Variants in KIAA1328 observed in about 807,000 individuals in gnomAD.
KIAA1328 encodes protein hinderin.
In KIAA1328, 52 loss-of-function variants were observed where a neutral mutation model predicts 68.1. The ratio of observed to expected loss-of-function variants is 0.76; its 90% CI spans 0.61 to 0.96. KIAA1328 has a LOEUF of 0.96. KIAA1328 is among the 40% of genes least tolerant of loss of function. The pLI is 0.00. For missense variants in KIAA1328, 641 were observed against 677.6 expected (o/e 0.95, Z 0.60); for synonymous variants, 232 against 239.4 (o/e 0.97, Z 0.28).
At chr18:37,171,922 C>T (rs1457045604) in intron 8 of KIAA1328, among the ~76,000 whole-genome samples, 1 of 152,098 alleles carries the variant, frequency 6.6e-6, no homozygotes, top group East Asian at 1.9e-4. Flanking sequence ...AACAAACGAA[C>T]AAACAGAGTA....
At chr18:36,829,343 T>TG in intron 1 of KIAA1328, 147 bp downstream of exon 1, 1 of 1,390,664 alleles carries the variant, frequency 7.2e-7, no homozygotes, top group Non-Finnish European at 9.3e-7. Flanking sequence ...GTCTAGGTGC[T>TG]GGGCTCTCCC....
intron 6 of KIAA1328, among the ~76,000 whole-genome samples, chr18:37,047,542 C>T (rs140618385): frequency 0.013 from 1,996 of 152,274 alleles, 30 homozygotes; most frequent in Middle Eastern, 0.034. Flanking sequence ...TTTTCATCAT[C>T]CCTGTCTTCA....
intron 4 of KIAA1328, among the ~76,000 whole-genome samples, chr18:36,867,634 G>A (rs991213923): frequency 5.9e-5 from 9 of 152,140 alleles, no homozygotes; most frequent in African/African-American, 2.2e-4. Flanking sequence ...GTATCTTGGA[G>A]GGTTTAATTG....
At chr18:36,914,896 A>G (rs1261792616) in intron 5 of KIAA1328, among the ~76,000 whole-genome samples, 1 of 152,172 alleles carries the variant, frequency 6.6e-6, no homozygotes, top group Non-Finnish European at 1.5e-5. Context: ...GAAAGCTACA[A>G]AATACTTATG....
chr18:37,151,370 A>G (rs945724595), intron 7 of KIAA1328, among the ~76,000 whole-genome samples: 3 of 152,212 alleles, frequency 2.0e-5, no homozygotes, highest in Non-Finnish European at 4.4e-5. Flanking sequence ...CTTAGATTCA[A>G]TGCAATTTCA....
intron 4 of KIAA1328, among the ~76,000 whole-genome samples, chr18:36,850,017 A>C (rs1472251903): frequency 6.6e-6 from 1 of 152,068 alleles, no homozygotes; most frequent in Non-Finnish European, 1.5e-5. Flanking sequence ...GTCTATTCAC[A>C]TCTTTTGCCC....
chr18:36,864,415 C>A (rs1176722853), intron 4 of KIAA1328, among the ~76,000 whole-genome samples: 1 of 151,776 alleles, frequency 6.6e-6, no homozygotes, highest in Non-Finnish European at 1.5e-5. Flanking sequence ...CATTCTCCTG[C>A]CTCAGCCTCC....
At chr18:37,090,601 G>A (rs1044187789) in intron 7 of KIAA1328, among the ~76,000 whole-genome samples, 4 of 152,142 alleles carry the variant, frequency 2.6e-5, no homozygotes, top group Admixed American at 2.6e-4. Context: ...AAGGACTGCT[G>A]TGTGAGAATT....
chr18:37,147,318 C>T (rs1182962467), intron 7 of KIAA1328, among the ~76,000 whole-genome samples: 1 of 152,100 alleles, frequency 6.6e-6, no homozygotes, highest in East Asian at 1.9e-4. Context: ...AACATGTGGG[C>T]CATCTTTTGG....
chr18:36,937,508 T>C (rs959268118), intron 5 of KIAA1328, among the ~76,000 whole-genome samples: 1 of 152,012 alleles, frequency 6.6e-6, no homozygotes, highest in African/African-American at 2.4e-5. Context: ...TAAACAAATT[T>C]ACAAGAAAAA....
At chr18:36,865,964 C>T (rs1319436128) in intron 4 of KIAA1328, among the ~76,000 whole-genome samples, 1 of 152,158 alleles carries the variant, frequency 6.6e-6, no homozygotes, top group African/African-American at 2.4e-5. Context: ...ATCAGACTGC[C>T]CGTTTTTGAG....
intron 7 of KIAA1328, among the ~76,000 whole-genome samples, chr18:37,117,461 C>A (rs993275253): frequency 6.6e-6 from 1 of 151,864 alleles, no homozygotes; most frequent in Admixed American, 6.6e-5. Flanking sequence ...TTGGACACAG[C>A]GGTAGCGAAC....
At chr18:36,836,118 CTTT>C (rs998084675) in intron 3 of KIAA1328, among the ~76,000 whole-genome samples, 2 of 152,012 alleles carry the variant, frequency 1.3e-5, no homozygotes, top group Admixed American at 1.3e-4. Context: ...TTATAGAAAA[CTTT>C]TTTCAGTCTG....
rs965667566 is a variant in KIAA1328 at position 37,040,130 on chromosome 18, T to C, written c.577-26760T>C. Among the ~76,000 whole-genome samples, 4 of 152,234 alleles carry C rather than the reference T, an allele frequency of 2.6e-5. No individual in the cohort carries two copies. In the South Asian group the frequency reaches 6.2e-4, roughly 24 times the overall value. ...TTTGCCACCACTCTTAGAAAACTTT[T>C]GTTTTAAGGGCTTGTGTGATTAGAC... is the stretch of plus-strand genomic sequence containing the variant. On this transcript the variant is annotated intron_variant, in intron 6 of 9. Coordinates refer to ENST00000280020, the MANE Select transcript of KIAA1328 (RefSeq NM_020776.3).
At chr18:37,041,377 A>G (rs993611337) in intron 6 of KIAA1328, among the ~76,000 whole-genome samples, 82 of 152,172 alleles carry the variant, frequency 5.4e-4, no homozygotes, top group African/African-American at 1.8e-3. Context: ...TTTATTTACT[A>G]TTTGAATGAT....
intron 4 of KIAA1328, among the ~76,000 whole-genome samples, chr18:36,871,102 A>G (rs1399912837): frequency 6.6e-6 from 1 of 152,154 alleles, no homozygotes; most frequent in Non-Finnish European, 1.5e-5. Context: ...TCAATTGGAA[A>G]TTGAGAAGGA....
chr18:37,054,324 G>GA (rs1212491704), intron 6 of KIAA1328, among the ~76,000 whole-genome samples: 5 of 151,614 alleles, frequency 3.3e-5, no homozygotes, highest in East Asian at 1.9e-4. Context: ...CTACCCAAAG[G>GA]AAAAAAAATC....
intron 4 of KIAA1328, among the ~76,000 whole-genome samples, chr18:36,845,731 C>CAT (rs1285905920): frequency 6.6e-6 from 1 of 151,628 alleles, no homozygotes; most frequent in East Asian, 1.9e-4. Flanking sequence ...TAAGGATAGA[C>CAT]ATATACATCA....
intron 1 of KIAA1328, among the ~76,000 whole-genome samples, chr18:36,830,577 GT>G (rs1326846600): frequency 3.9e-5 from 6 of 152,046 alleles, no homozygotes; most frequent in Non-Finnish European, 7.4e-5. Flanking sequence ...AGAATCAATG[GT>G]TTGGGGGGGG....
Sources: gnomAD v4.1 joint callset for allele counts (sites outside exome capture counted in the v4.1 genomes callset) on GRCh38, gnomAD v4.1.1 for gene constraint, MANE v1.5 for transcripts, NCBI Gene and HGNC (gene_info 2026-07-23, HGNC 2026-07-21) for gene names.